The following AZIN2 variants were observed in gnomAD, a reference collection of about 807,000 sequenced individuals.
AZIN2 encodes the protein antizyme inhibitor 2, also known as ODC antizyme inhibitor-2.
AZIN2 carries 28 observed loss-of-function variants against 47.8 expected under a neutral mutation model. The observed-to-expected ratio is 0.59, with a 90% CI of 0.43 to 0.80. The LOEUF is 0.80. Ranked by LOEUF, AZIN2 falls within the 30% of genes least tolerant of loss-of-function variation. The probability of loss-of-function intolerance (pLI) is 0.00; values close to 1 mark genes in which losing one functional copy is unlikely to be tolerated. For missense variants in AZIN2, 535 were observed against 582.5 expected, an observed-to-expected ratio of 0.92 and a Z score of 0.84; for synonymous variants, 221 against 239.4, an observed-to-expected ratio of 0.92 and a Z score of 0.71.
intron 5 of AZIN2, 69 bp downstream of exon 5, chr1:33,084,196 A>G: frequency 6.3e-7 from 1 of 1,581,486 alleles, no homozygotes; most frequent in Non-Finnish European, 8.6e-7. Context: ...AGGCTAGTCC[A>G]GGTGGGCTCT....
the AZIN2 span, chr1:33,164,395 C>G: frequency 6.6e-6 from 1 of 152,448 alleles, no homozygotes; most frequent in African/African-American, 2.4e-5. Context: ...CCTCACGACA[C>G]AGAGTCACTC....
the AZIN2 span, chr1:33,147,703 G>C: frequency 1.2e-6 from 2 of 1,612,576 alleles, no homozygotes; most frequent in Non-Finnish European, 1.7e-6. This position sits in a 1 kb window ranked among gnomAD's most constrained non-coding sequence, Gnocchi z 8.1. Flanking sequence ...GGCTGTGCCC[G>C]GGTCCAGGGT....
the AZIN2 span, among the ~76,000 whole-genome samples, chr1:33,152,426 G>A: frequency 1.3e-5 from 2 of 152,180 alleles, no homozygotes; most frequent in African/African-American, 2.4e-5. Flanking sequence ...AATTAGCGGC[G>A]CATGGTGGCA....
intron 9 of AZIN2, 200 bp from the exon 10 acceptor site, chr1:33,097,867 C>T (rs2124558614): frequency 1.7e-6 from 1 of 586,080 alleles, no homozygotes; most frequent in East Asian, 2.9e-5. Flanking sequence ...TGCTTGGCTG[C>T]AGGGGTGAGT....
intron 10 of AZIN2, among the ~76,000 whole-genome samples, chr1:33,114,777 C>T (rs1644461860): frequency 6.6e-6 from 1 of 151,438 alleles, no homozygotes; most frequent in African/African-American, 2.4e-5. Context: ...CTGCCTCAGC[C>T]TCCTGAGTAG....
chr1:33,111,329 T>C (rs1453716856), intron 10 of AZIN2, among the ~76,000 whole-genome samples: 2 of 152,204 alleles, frequency 1.3e-5, no homozygotes, highest in African/African-American at 4.8e-5. Flanking sequence ...ATTGAAATGG[T>C]CTGTCTTCAT....
chr1:33,096,751 G>A lies in AZIN2; in HGVS notation c.798G>A (p.Glu266=). 6.2e-7 allele frequency: 1 copy of A among 1,614,224 alleles called. No individual in the cohort carries two copies. The highest frequency in any genetic ancestry group is 8.5e-7 in the Non-Finnish European group (1 of 1,180,046). The change falls in exon 9 of 12, where the codon GAG becomes GAA. Residue 266 remains glutamate (E), a synonymous_variant. Coordinates refer to ENST00000294517, the MANE Select transcript of AZIN2 (RefSeq NM_052998.4). ...INSALDLYFP[E]GCGVDIFAEL... ...CAGCCTTGGACCTGTACTTCCCAGA[G>A]GGCTGTGGCGTGGACATCTTTGCTG...
chr1:33,145,710 A>C, the AZIN2 span: 1 of 363,198 alleles, frequency 2.8e-6, no homozygotes, highest in Non-Finnish European at 5.6e-6. Context: ...CTTGCAGCCC[A>C]CTCCTCCAGT....
In AZIN2 at chr1:33,096,853, C is replaced by T; in HGVS notation, c.900C>T (p.Asp300=). ...SIIAKKEVLL[D]QPGREEENGS... ...TTGCCAAGAAGGAGGTTCTGCTAGACCAGCCTGGCAGGGAGGGTAGGTGCC... is the reference window on the plus strand; with the variant it reads ...TTGCCAAGAAGGAGGTTCTGCTAGATCAGCCTGGCAGGGAGGGTAGGTGCC... The change falls in exon 9 of 12, where the codon GAC becomes GAT. Residue 300 remains aspartate (D), a synonymous_variant. Coordinates refer to ENST00000294517, the MANE Select transcript of AZIN2 (RefSeq NM_052998.4). 8.7e-6 allele frequency: 14 copies of T among 1,614,156 alleles called. No homozygotes were observed. Among genetic ancestry groups the T allele is most frequent in the Non-Finnish European group, 1.1e-5 (13 of 1,180,008 alleles).
chr1:33,092,033 C>A lies in AZIN2; in HGVS notation c.280-17C>A, dbSNP rs746757117. 21 of 1,610,568 alleles carry A rather than the reference C, an allele frequency of 1.3e-5. No individual in the cohort carries two copies. The highest frequency in any genetic ancestry group is 1.7e-5 in the Non-Finnish European group (20 of 1,177,930). ...AGGCCCTGGTGCCTCCTTACAACCACCTTTGGGGCCCCATAGGCAGAGATG... is the reference window on the plus strand; with the variant it reads ...AGGCCCTGGTGCCTCCTTACAACCAACTTTGGGGCCCCATAGGCAGAGATG... On this transcript the variant is annotated splice_polypyrimidine_tract_variant and intron_variant, in intron 5 of 11. Coordinates refer to ENST00000294517, the MANE Select transcript of AZIN2 (RefSeq NM_052998.4).
intron 10 of AZIN2, among the ~76,000 whole-genome samples, chr1:33,104,690 G>A (rs1557704878): frequency 6.6e-6 from 1 of 152,016 alleles, no homozygotes. Context: ...TGGGTTTAAT[G>A]GCTATTTTAT....
the AZIN2 span, among the ~76,000 whole-genome samples, chr1:33,160,230 G>A: frequency 8.5e-4 from 129 of 152,232 alleles, no homozygotes; most frequent in African/African-American, 3.1e-3. Flanking sequence ...CTAGAGGGCA[G>A]CCTCTTTGAC....
Position 33,120,555 on chromosome 1 carries a change from C to A in AZIN2, c.*373C>A, listed in dbSNP as rs994454598. The A allele has an allele frequency of 1.6e-5, 3 of 188,950 alleles. No individual in the cohort carries two copies. Among genetic ancestry groups the A allele is most frequent in the Admixed American group, 5.3e-5 (1 of 18,900 alleles). 11.7% of individuals were successfully genotyped at this position (188,950 alleles called of 1,614,324 possible). On this transcript the variant is annotated 3_prime_UTR_variant, in exon 12 of 12. Coordinates refer to ENST00000294517, the MANE Select transcript of AZIN2 (RefSeq NM_052998.4). ...CAGCGGAATCTGGCAGTTTGATTCA[C>A]AAAGCAGCCTGGGCTAGGCCTGGGG...
the AZIN2 span, among the ~76,000 whole-genome samples, chr1:33,131,621 G>T: frequency 9.2e-5 from 14 of 151,908 alleles, no homozygotes; most frequent in African/African-American, 3.4e-4. Flanking sequence ...ATGTTTAAAA[G>T]AAATAAAATA....
At chr1:33,142,634 C>T in the AZIN2 span, 14 of 152,232 alleles carry the variant, frequency 9.2e-5, no homozygotes, top group African/African-American at 3.1e-4. Flanking sequence ...AAGCTTGGCT[C>T]ACAATTGAGA....
At chr1:33,155,814 T>TG in the AZIN2 span, among the ~76,000 whole-genome samples, 1 of 152,176 alleles carries the variant, frequency 6.6e-6, no homozygotes, top group Non-Finnish European at 1.5e-5. Context: ...AATCTGCCCT[T>TG]GGGGGGGATC....
chr1:33,165,854 C>A, the AZIN2 span: 1 of 264,044 alleles, frequency 3.8e-6, no homozygotes, highest in Non-Finnish European at 7.2e-6. The surrounding 1 kb of genome is among the most constrained non-coding windows in gnomAD (Gnocchi z 4.0). Flanking sequence ...TCTGGCTCCC[C>A]ACACTTGGCC....
the AZIN2 span, chr1:33,166,276 G>T: frequency 6.6e-6 from 1 of 152,152 alleles, no homozygotes; most frequent in African/African-American, 2.4e-5. Flanking sequence ...AATAATAATA[G>T]AAATAAAGTG....
chr1:33,082,180 T>G lies in AZIN2; in HGVS notation c.-70T>G. ...CTTCATCTCCCCTCGCCCCGCAGTG[T>G]GTTGCATACTTTCTAAGGCGGCGGC... On this transcript the variant is annotated splice_region_variant and 5_prime_UTR_variant, in exon 4 of 12. Transcript: ENST00000294517. The G allele has an allele frequency of 2.9e-5, 37 of 1,257,924 alleles. No homozygotes were observed. Among genetic ancestry groups the G allele is most frequent in the South Asian group, 4.9e-5 (4 of 81,036 alleles). 77.9% of individuals were successfully genotyped at this position (1,257,924 alleles called of 1,614,324 possible).
Sources: allele counts gnomAD v4.1 joint callset (sites outside exome capture counted in the v4.1 genomes callset), GRCh38; gene constraint gnomAD v4.1.1; non-coding constraint Gnocchi (gnomAD v3.1); transcripts MANE v1.5; gene names NCBI Gene and HGNC (gene_info 2026-07-23, HGNC 2026-07-21).